GNL3L: variants seen among roughly 807,000 people sequenced by gnomAD.
The protein encoded by GNL3L is guanine nucleotide-binding protein-like 3-like protein.
GNL3L carries 4 observed loss-of-function variants against 42.9 expected under a neutral mutation model. The observed-to-expected ratio is 0.09, with a 90% CI of 0.05 to 0.21. GNL3L has a LOEUF of 0.21. Ranked by LOEUF, GNL3L falls within the 10% of genes least tolerant of loss-of-function variation. GNL3L has a pLI of 1.00. For missense variants in GNL3L, 412 were observed against 481.7 expected (o/e 0.86, Z 1.36); for synonymous variants, 159 against 176.3 (o/e 0.90, Z 0.78).
chrX:54,559,557 A>G (rs1238528603), intron 15 of GNL3L, among the ~76,000 whole-genome samples: 2 of 111,988 alleles, frequency 1.8e-5, no homozygotes, highest in South Asian at 3.7e-4. Context: ...TCTTAGGGAT[A>G]TGTCTATGTT....
intron 1 of GNL3L, among the ~76,000 whole-genome samples, chrX:54,531,119 T>G (rs1267612431): frequency 9.0e-6 from 1 of 111,673 alleles, no homozygotes; most frequent in Non-Finnish European, 1.9e-5. Flanking sequence ...CCCAACATGC[T>G]TCGAAGCAAA....
At chrX:54,623,046 T>C (rs1926307533), downstream of GNL3L, among the ~76,000 whole-genome samples, 1 of 111,858 alleles carries the variant, frequency 8.9e-6, no homozygotes, top group Non-Finnish European at 1.9e-5. Context: ...TGGGTTTGTT[T>C]TTGAACTCTC....
chrX:54,623,103 A>G (rs1220820589), downstream of GNL3L, among the ~76,000 whole-genome samples: 1 of 111,561 alleles, frequency 9.0e-6, no homozygotes, highest in African/African-American at 3.3e-5. Flanking sequence ...CTAGTACCAC[A>G]CTGTTTGGAT....
intron 16 of GNL3L, among the ~76,000 whole-genome samples, chrX:54,578,326 A>T (rs1925663371): frequency 9.0e-6 from 1 of 111,558 alleles, no homozygotes; most frequent in Admixed American, 9.6e-5. Context: ...TCATTTATTT[A>T]TACTTTTAAT....
At chrX:54,613,444 ACTT>A (rs756122708) in intron 16 of GNL3L, among the ~76,000 whole-genome samples, 4 of 110,362 alleles carry the variant, frequency 3.6e-5, no homozygotes, top group South Asian at 7.7e-4. Context: ...TAAATCAGGG[ACTT>A]CTTCTTGGTT....
chrX:54,532,951 G>A (rs1293553880), intron 2 of GNL3L, among the ~76,000 whole-genome samples: 2 of 111,875 alleles, frequency 1.8e-5, no homozygotes, highest in African/African-American at 3.3e-5. Context: ...GAGCCACTGC[G>A]CCCAGCCTTC....
rs914855567 is a variant in GNL3L, at chrX:54,564,986, C to G, written c.*4384C>G. 1.8e-5 allele frequency among the ~76,000 whole-genome samples: 2 copies of G among 109,968 alleles called. No individual in the cohort carries two copies. Among genetic ancestry groups the G allele is most frequent in the Non-Finnish European group, 3.8e-5 (2 of 52,794 alleles). On this transcript the variant is annotated 3_prime_UTR_variant, in exon 16 of 16. Transcript: ENST00000360845. ...CTGACCTCAAAAGATCCACCCACCT[C>G]GGCCTCCCAAAGTGCTGGGATTATA...
At chrX:54,550,136 T>G (rs1256813733) in intron 9 of GNL3L, among the ~76,000 whole-genome samples, 1 of 105,267 alleles carries the variant, frequency 9.5e-6, no homozygotes, top group Non-Finnish European at 2.0e-5. Flanking sequence ...AAAGATAAGA[T>G]AGAGAAAGAG....
chrX:54,636,251 C>T, the GNL3L span, among the ~76,000 whole-genome samples: 3 of 112,287 alleles, frequency 2.7e-5, no homozygotes, highest in South Asian at 7.4e-4. Flanking sequence ...GAACAAGTTT[C>T]CCGCAGGAGA....
the GNL3L span, among the ~76,000 whole-genome samples, chrX:54,627,602 A>G: frequency 2.7e-5 from 3 of 110,537 alleles, no homozygotes; most frequent in Admixed American, 2.9e-4. Flanking sequence ...GCATCATTAG[A>G]TTGTTTACTT....
intron 16 of GNL3L, among the ~76,000 whole-genome samples, chrX:54,604,972 C>T (rs902511399): frequency 7.2e-5 from 8 of 111,604 alleles, no homozygotes; most frequent in African/African-American, 2.6e-4. Context: ...GGCTCATTAA[C>T]TGCCTGGTTG....
intron 13 of GNL3L, among the ~76,000 whole-genome samples, chrX:54,553,518 GC>G (rs1199537410): frequency 8.9e-6 from 1 of 112,021 alleles, no homozygotes; most frequent in African/African-American, 3.2e-5. Flanking sequence ...GAGCAAGTCA[GC>G]CCCCTTTCTG....
rs1444540552 is a variant in GNL3L, at chrX:54,567,107, G to C, written c.*6505G>C. Among the ~76,000 whole-genome samples, 1 of 111,358 alleles carries C rather than the reference G, an allele frequency of 9.0e-6. No homozygotes were observed. Among genetic ancestry groups the C allele is most frequent in the Non-Finnish European group, 1.9e-5 (1 of 53,111 alleles). On this transcript the variant is annotated 3_prime_UTR_variant, in exon 16 of 16. Coordinates refer to ENST00000360845, the MANE Select transcript of GNL3L (RefSeq NM_001184819.2). Reference sequence around the variant, plus strand: ...CCATTTTGAGTCAATTTTTGTATATGGTACAAGGTATGAATCTATGCTTTT... The same window carrying C: ...CCATTTTGAGTCAATTTTTGTATATCGTACAAGGTATGAATCTATGCTTTT...
intron 16 of GNL3L, among the ~76,000 whole-genome samples, chrX:54,586,326 T>C (rs1569542445): frequency 9.0e-6 from 1 of 110,810 alleles, no homozygotes; most frequent in African/African-American, 3.3e-5. Context: ...GGAAACTTCA[T>C]GAAGGTTATT....
chrX:54,554,526 G>A (rs749986544), intron 13 of GNL3L, 39 bp from the exon 14 acceptor site: 19 of 1,192,289 alleles, frequency 1.6e-5, no homozygotes, highest in African/African-American at 3.5e-5. Context: ...GCAACAGAGG[G>A]GAGCCAGGGC....
intron 1 of GNL3L, among the ~76,000 whole-genome samples, chrX:54,531,706 G>A (rs774470934): frequency 1.8e-5 from 2 of 111,322 alleles, no homozygotes; most frequent in South Asian, 3.8e-4. Context: ...CAGGCATATC[G>A]ATCCTGTACC....
chrX:54,630,737 T>TTTCTTTC, the GNL3L span, among the ~76,000 whole-genome samples: 2 of 80,632 alleles, frequency 2.5e-5, no homozygotes, highest in African/African-American at 1.6e-4. Flanking sequence ...TCTTTCTTTC[T>TTTCTTTC]TTCTCTTTCT....
rs866852111 is a variant in GNL3L at position 54,551,726 on chromosome X, G to A, written c.1022G>A (p.Arg341His). ...ACCCCAGTGGAGACCATCCTGCAGC[G>A]CTGCAACCTGGAGGAGGTCCGCAGC... Reference protein sequence around the residue: ...PVTPVETILQRCNLEEISNYY... With the variant: ...PVTPVETILQHCNLEEISNYY... Residue 341 changes from arginine to histidine, a missense_variant, in exon 11 of 16, where the codon CGC becomes CAC. Coordinates refer to ENST00000360845, the MANE Select transcript of GNL3L (RefSeq NM_001184819.2). 13 of 1,209,506 alleles carry A rather than the reference G, an allele frequency of 1.1e-5. No homozygotes were observed. Among genetic ancestry groups the A allele is most frequent in the Middle Eastern group, 2.3e-4 (1 of 4,376 alleles).
At chrX:54,639,987 C>T in the GNL3L span, among the ~76,000 whole-genome samples, 12 of 110,423 alleles carry the variant, frequency 1.1e-4, no homozygotes, top group Non-Finnish European at 2.3e-4. Flanking sequence ...GAGTGGAAGC[C>T]GCTGTCCAGA....
Sources: allele counts gnomAD v4.1 joint callset (sites outside exome capture counted in the v4.1 genomes callset), GRCh38; gene constraint gnomAD v4.1.1; transcripts MANE v1.5; gene names NCBI Gene and HGNC (gene_info 2026-07-23, HGNC 2026-07-21).